Variants in PLEKHM2 observed in about 807,000 individuals in gnomAD.
PLEKHM2 encodes the protein pleckstrin homology domain-containing family M member 2.
PLEKHM2 carries 77 observed loss-of-function variants against 116.3 expected under a neutral mutation model. That is an observed-to-expected ratio of 0.66 (90% confidence interval 0.55 to 0.80). The LOEUF is 0.80. Ranked by LOEUF, PLEKHM2 falls within the 30% of genes least tolerant of loss-of-function variation. PLEKHM2 has a pLI of 0.00. For missense variants in PLEKHM2, 1,183 were observed against 1,354.9 expected (o/e 0.87, Z 1.99); for synonymous variants, 562 against 571.0 (o/e 0.98, Z 0.22).
At position 15,716,266 on chromosome 1, in the gene PLEKHM2, T is replaced by C. The variant is rs1162590262; in HGVS notation, c.90T>C (p.Asp30=). ...KLQSYFAACE[D]EIPAIRNHDK... ...AGAGCTATTTTGCTGCATGTGAGGA[T>C]GAGATCCCTGCCATCCGGAACCATG... The change falls in exon 2 of 20, where the codon GAT becomes GAC. Residue 30 remains aspartate (D), a synonymous_variant. Coordinates refer to ENST00000375799, the MANE Select transcript of PLEKHM2 (RefSeq NM_015164.4). 2 of 1,603,188 alleles carry C rather than the reference T, an allele frequency of 1.2e-6. No homozygotes were observed. Among genetic ancestry groups the C allele is most frequent in the East Asian group, 2.2e-5 (1 of 44,734 alleles).
At chr1:15,712,207 T>C (rs1252300735) in intron 1 of PLEKHM2, among the ~76,000 whole-genome samples, 1 of 151,702 alleles carries the variant, frequency 6.6e-6, no homozygotes, top group African/African-American at 2.4e-5. Flanking sequence ...GAATACTTAG[T>C]TCCTAGAAGA....
At chr1:15,687,880 G>A (rs1640805182) in intron 1 of PLEKHM2, among the ~76,000 whole-genome samples, 1 of 152,148 alleles carries the variant, frequency 6.6e-6, no homozygotes, top group African/African-American at 2.4e-5. Context: ...GGTCTTACTG[G>A]TCATTTTATA....
At chr1:15,697,331 G>C (rs1427669783) in intron 1 of PLEKHM2, among the ~76,000 whole-genome samples, 4 of 152,152 alleles carry the variant, frequency 2.6e-5, no homozygotes, top group Admixed American at 2.0e-4. Context: ...GTTCGCTGAG[G>C]GGCCCCTTGG....
rs1367943061 is a variant in PLEKHM2, at chr1:15,728,642, A to G, written c.1922-27A>G. The G allele has an allele frequency of 3.2e-6, 5 of 1,586,122 alleles. No individual in the cohort carries two copies. Among genetic ancestry groups the G allele is most frequent in the South Asian group, 2.3e-5 (2 of 88,524 alleles). On this transcript the variant is annotated intron_variant, in intron 11 of 19. Transcript: ENST00000375799. This position sits in a 1 kb window ranked among gnomAD's most constrained non-coding sequence, Gnocchi z 5.9. ...GGAGGGAAAAGAGGCCTGTGGGGAT[A>G]ATAGGCCTTGGGGTTTCCTCTCTCA... is the stretch of plus-strand genomic sequence containing the variant.
Position 15,717,956 on chromosome 1 carries a change from A to C in PLEKHM2, c.341A>C (p.Gln114Pro). The C allele has an allele frequency of 6.3e-7, 1 of 1,599,580 alleles. No individual in the cohort carries two copies. The highest frequency in any genetic ancestry group is 8.5e-7 in the Non-Finnish European group (1 of 1,172,938). ...NSLESYLRLF[Q>P]ENLGLLHKYY... ...TTGGAGAGCTACCTGCGGTTGTTCCAGGAGAACCTGGGCCTGCTGCATAAG... is the reference window on the plus strand; with the variant it reads ...TTGGAGAGCTACCTGCGGTTGTTCCCGGAGAACCTGGGCCTGCTGCATAAG... Residue 114 changes from glutamine (Q) to proline (P), a missense_variant, in exon 4 of 20, where the codon CAG becomes CCG. This residue lies in a region of PLEKHM2 where 217 missense variants were observed against 277.6 expected (regional missense o/e 0.78). Coordinates refer to ENST00000375799, the MANE Select transcript of PLEKHM2 (RefSeq NM_015164.4).
At chr1:15,716,122 G>C in intron 1 of PLEKHM2, 115 bp from the exon 2 acceptor site, 1 of 654,734 alleles carries the variant, frequency 1.5e-6, no homozygotes, top group Non-Finnish European at 2.7e-6. Context: ...GTCTCTGCTG[G>C]TCATTGTGGA....
chr1:15,715,126 C>A (rs887769962), intron 1 of PLEKHM2, among the ~76,000 whole-genome samples: 31 of 152,220 alleles, frequency 2.0e-4, no homozygotes, highest in African/African-American at 7.0e-4. Flanking sequence ...AGATCCATAT[C>A]CAGCATTGCA....
chr1:15,691,658 G>A (rs953143061), intron 1 of PLEKHM2, among the ~76,000 whole-genome samples: 1 of 152,202 alleles, frequency 6.6e-6, no homozygotes, highest in African/African-American at 2.4e-5. Context: ...CCCTAGTCGG[G>A]ATCGGGATTT....
chr1:15,727,948 G>T lies in PLEKHM2; in HGVS notation c.1760+116G>T. ...GAAGACCTAGCCTGAGTGAGAAGGG[G>T]TGTGAGCCTCCCTCCCTAACTTTGG... On this transcript the variant is annotated intron_variant, in intron 9 of 19. Transcript: ENST00000375799. This position sits in a 1 kb window ranked among gnomAD's most constrained non-coding sequence, Gnocchi z 7.5. 1 of 1,190,390 alleles carries T rather than the reference G, an allele frequency of 8.4e-7. No individual in the cohort carries two copies. Among genetic ancestry groups the T allele is most frequent in the Non-Finnish European group, 1.2e-6 (1 of 825,672 alleles). 73.7% of individuals were successfully genotyped at this position (1,190,390 alleles called of 1,614,324 possible).
At chr1:15,683,458 G>T (rs1245968104), upstream of PLEKHM2, among the ~76,000 whole-genome samples, 2 of 151,918 alleles carry the variant, frequency 1.3e-5, no homozygotes, top group Admixed American at 1.3e-4. Flanking sequence ...GCGGGAGGGG[G>T]CCCAGGGTCT....
intron 16 of PLEKHM2, among the ~76,000 whole-genome samples, 196 bp from the exon 17 acceptor site, chr1:15,731,693 C>T (rs1440216300): frequency 6.6e-6 from 1 of 152,174 alleles, no homozygotes; most frequent in Non-Finnish European, 1.5e-5. Context: ...TGAAAGGCAT[C>T]GCACAGCAAG....
upstream of PLEKHM2, chr1:15,681,601 A>G (rs1341400888): frequency 8.4e-6 from 4 of 473,508 alleles, no homozygotes; most frequent in Non-Finnish European, 1.7e-5. Context: ...CTGCATTTTC[A>G]TGAACCAGAG....
chr1:15,707,572 G>A (rs1641251376), intron 1 of PLEKHM2, among the ~76,000 whole-genome samples: 1 of 152,208 alleles, frequency 6.6e-6, no homozygotes, highest in Admixed American at 6.5e-5. Flanking sequence ...CACGAATTCT[G>A]AGATTTTCTG....
Position 15,732,524 on chromosome 1 carries a change from G to C in PLEKHM2, c.2800G>C (p.Val934Leu). The change falls in exon 18 of 20, where the codon GTC becomes CTC. Residue 934 changes from valine (V) to leucine (L), a missense_variant. Coordinates refer to ENST00000375799, the MANE Select transcript of PLEKHM2 (RefSeq NM_015164.4). ...VSTEPGKEYCVLEFSQDSQQL... is the reference protein window; with the variant it reads ...VSTEPGKEYCLLEFSQDSQQL... ...CACCGAGCCGGGCAAGGAGTACTGC[G>C]TCTTGGTGAGCTTTGAGTGGGGGCG... The C allele has an allele frequency of 6.2e-7, 1 of 1,609,784 alleles. No homozygotes were observed. Among genetic ancestry groups the C allele is most frequent in the Non-Finnish European group, 8.5e-7 (1 of 1,178,308 alleles).
At chr1:15,686,486 G>GT (rs1010248948) in intron 1 of PLEKHM2, among the ~76,000 whole-genome samples, 3 of 152,036 alleles carry the variant, frequency 2.0e-5, no homozygotes, top group South Asian at 4.1e-4. Context: ...TGTTGTTGTT[G>GT]TTGTTTGTTT....
rs2067996880 is a variant in PLEKHM2 at position 15,721,471 on chromosome 1, C to T, written c.712+83C>T. 2 of 789,602 alleles carry T rather than the reference C, an allele frequency of 2.5e-6. No individual in the cohort carries two copies. Among genetic ancestry groups the T allele is most frequent in the African/African-American group, 1.7e-5 (1 of 57,144 alleles). 48.9% of individuals were successfully genotyped at this position (789,602 alleles called of 1,614,324 possible). ...CTTGCTGCATGTATCAAATCAGCTC[C>T]TTATTATTTATAATAATATCCATAA... On this transcript the variant is annotated intron_variant, in intron 7 of 19. Coordinates refer to ENST00000375799, the MANE Select transcript of PLEKHM2 (RefSeq NM_015164.4). The surrounding 1 kb of genome is among the most constrained non-coding windows in gnomAD (Gnocchi z 5.1).
intron 6 of PLEKHM2, 88 bp downstream of exon 6, chr1:15,720,008 C>A: frequency 8.7e-7 from 1 of 1,152,370 alleles, no homozygotes; most frequent in Non-Finnish European, 1.2e-6. Context: ...TCTTCCTTGG[C>A]TAGTTTTGGT....
In PLEKHM2 at chr1:15,718,526, C is replaced by G; in HGVS notation, c.378-12C>G. 1 of 1,537,150 alleles carries G rather than the reference C, an allele frequency of 6.5e-7. No homozygotes were observed. The highest frequency in any genetic ancestry group is 8.9e-7 in the Non-Finnish European group (1 of 1,128,884). ...ACCCAGAGGCACCATCGTGGCTTCT[C>G]ATGTCTTGCAGGAATGCCCTGGTCT... On this transcript the variant is annotated splice_polypyrimidine_tract_variant and intron_variant, in intron 4 of 19. Transcript: ENST00000375799.
Position 15,733,885 on chromosome 1 carries a change from G to T in PLEKHM2, c.3011G>T (p.Arg1004Leu). Residue 1004 changes from arginine (R) to leucine (L), a missense_variant, in exon 20 of 20, where the codon CGG becomes CTG. Around this residue, in one of 3 missense-constraint regions of PLEKHM2, gnomAD observed 594 missense variants for 720.1 expected, o/e 0.82. Coordinates refer to ENST00000375799, the MANE Select transcript of PLEKHM2 (RefSeq NM_015164.4). ...ALSLIHSAWQ[R>L]SDSLCRGRAS... ...AGCCTCATCCACAGCGCCTGGCAGC[G>T]GAGCGACAGTCTCTGCCGCGGCCGA... 6.2e-7 allele frequency: 1 copy of T among 1,612,952 alleles called. No individual in the cohort carries two copies. Among genetic ancestry groups the T allele is most frequent in the Non-Finnish European group, 8.5e-7 (1 of 1,179,844 alleles).
Sources: gnomAD v4.1 joint callset for allele counts (sites outside exome capture counted in the v4.1 genomes callset) on GRCh38, gnomAD v4.1.1 for gene constraint, gnomAD v4.1.1 regional missense constraint, Gnocchi (gnomAD v3.1) non-coding constraint, MANE v1.5 for transcripts, NCBI Gene and HGNC (gene_info 2026-07-23, HGNC 2026-07-21) for gene names.